Variants in PTP4A2 observed in about 807,000 individuals in gnomAD.
The protein encoded by PTP4A2 is protein tyrosine phosphatase 4A2.
PTP4A2 carries 2 observed loss-of-function variants against 22.9 expected under a neutral mutation model. The ratio of observed to expected loss-of-function variants is 0.09; its 90% CI spans 0.04 to 0.27. PTP4A2 has a LOEUF of 0.27. Ranked by LOEUF, PTP4A2 falls within the 10% of genes least tolerant of loss-of-function variation. PTP4A2 has a pLI of 1.00. For synonymous variants in PTP4A2, 68 were observed against 69.1 expected, an observed-to-expected ratio of 0.98 and a Z score of 0.08; for missense variants, 103 against 205.1, an observed-to-expected ratio of 0.50 and a Z score of 3.04.
chr1:31,924,606 A>G (rs1652361419), intron 1 of PTP4A2, among the ~76,000 whole-genome samples: 2 of 152,238 alleles, frequency 1.3e-5, no homozygotes, highest in South Asian at 2.1e-4. Context: ...TGTCTCTCTG[A>G]CATTAATTCT....
At chr1:31,912,222 G>A (rs1651574420) in intron 3 of PTP4A2, among the ~76,000 whole-genome samples, 1 of 152,178 alleles carries the variant, frequency 6.6e-6, no homozygotes, top group Non-Finnish European at 1.5e-5. Context: ...GTCCACTCTG[G>A]CAAAGCATAC....
chr1:31,928,765 A>T (rs180836119), intron 1 of PTP4A2, among the ~76,000 whole-genome samples: 1 of 151,624 alleles, frequency 6.6e-6, no homozygotes, highest in East Asian at 1.9e-4. Context: ...CCACTTCCTC[A>T]TTTAAGGAGG....
rs1325918169 is a variant in PTP4A2, at chr1:31,933,539, A to G, written c.-594+4448T>C. 2.0e-5 allele frequency: 3 copies of G among 152,114 alleles called. No homozygotes were observed. The East Asian group carries it at 5.8e-4, about 29-fold the overall frequency. 9.4% of individuals were successfully genotyped at this position (152,114 alleles called of 1,614,324 possible). Reference sequence around the variant, plus strand: ...CGCCTGAGCTCAGGGGTTCGGGACCAGCCTGGGCAACATAGCGAAACCCTG... The same window carrying G: ...CGCCTGAGCTCAGGGGTTCGGGACCGGCCTGGGCAACATAGCGAAACCCTG... On this transcript the variant is annotated intron_variant, in intron 1 of 5. Coordinates refer to ENST00000647444, the MANE Select transcript of PTP4A2 (RefSeq NM_080391.4).
chr1:31,909,543 G>A (rs747640792), intron 5 of PTP4A2, among the ~76,000 whole-genome samples: 40 of 151,968 alleles, frequency 2.6e-4, no homozygotes, highest in Non-Finnish European at 5.0e-4. Flanking sequence ...GTGGTGGTGC[G>A]TGCCTGTAGT....
At position 31,908,262 on chromosome 1, in the gene PTP4A2, T is replaced by C. The variant is rs1039604266; in HGVS notation, c.*590A>G. The stretch of plus-strand genomic sequence containing the variant: ...TTTTTTTTTTTTTTTTATCTAAAAG[T>C]GCCCAGGTGGGCTTAAGGCTGCCAG... On this transcript the variant is annotated 3_prime_UTR_variant, in exon 6 of 6. Coordinates refer to ENST00000647444, the MANE Select transcript of PTP4A2 (RefSeq NM_080391.4). The C allele has an allele frequency of 7.1e-5, 9 of 126,614 alleles. No individual in the cohort carries two copies. Among genetic ancestry groups the C allele is most frequent in the African/African-American group, 2.7e-4 (9 of 33,082 alleles). The allele number at this position is 126,614 out of a possible 1,614,324, so 7.8% of individuals were successfully genotyped here. A position where few individuals can be genotyped will look rare whatever the true frequency, so the allele number is the denominator to read the frequency against.
chr1:31,916,755 T>C (rs1350287741), intron 2 of PTP4A2, among the ~76,000 whole-genome samples: 1 of 152,130 alleles, frequency 6.6e-6, no homozygotes, highest in Admixed American at 6.5e-5. Context: ...ATAAAAACAA[T>C]ACCAAGGAAG....
rs1570268413 is a variant in PTP4A2, at chr1:31,906,941, A to T, written c.*1911T>A. Reference sequence around the variant, plus strand: ...CTATATTAATGGAATCTATTGTTGCATTCTGAAATAAAGAATTTTGGATAT... The same window carrying T: ...CTATATTAATGGAATCTATTGTTGCTTTCTGAAATAAAGAATTTTGGATAT... On this transcript the variant is annotated 3_prime_UTR_variant, in exon 6 of 6. Transcript: ENST00000647444. The T allele has an allele frequency of 1.3e-5, 2 of 152,218 alleles. No individual in the cohort carries two copies. Among genetic ancestry groups the T allele is most frequent in the Admixed American group, 6.5e-5 (1 of 15,284 alleles). 9.4% of individuals were successfully genotyped at this position (152,218 alleles called of 1,614,324 possible).
chr1:31,922,590 CT>C (rs1169920493), intron 1 of PTP4A2, among the ~76,000 whole-genome samples: 1 of 11,680 alleles, frequency 8.6e-5, no homozygotes, highest in East Asian at 2.1e-3. Flanking sequence ...AGGTTTGTTT[CT>C]TTCTTTCTTT....
rs1197407099 is a variant in PTP4A2 at position 31,906,477 on chromosome 1, T to C, written c.*2375A>G. 6.6e-6 allele frequency: 1 copy of C among 152,138 alleles called. No homozygotes were observed. The highest frequency in any genetic ancestry group is 1.5e-5 in the Non-Finnish European group (1 of 68,018). 9.4% of individuals were successfully genotyped at this position (152,138 alleles called of 1,614,324 possible). ...AAAGGGTTCAGGGTTTGGTTTTAAA[T>C]CAGGCTGCACACCTTTCAAATCAAT... On this transcript the variant is annotated 3_prime_UTR_variant, in exon 6 of 6. Transcript: ENST00000647444.
intron 2 of PTP4A2, among the ~76,000 whole-genome samples, chr1:31,916,219 C>A (rs1036591416): frequency 6.0e-5 from 9 of 150,962 alleles, no homozygotes; most frequent in Admixed American, 2.6e-4. Flanking sequence ...GTGGTGCGGG[C>A]CTGTAATCCC....
rs116035609 is a variant in PTP4A2 at position 31,910,213 on chromosome 1, T to C, written c.321-101A>G. The C allele has an allele frequency of 2.8e-4, 229 of 813,694 alleles. 1 individual carries two copies. The African/African-American group carries it at 3.3e-3, about 12-fold the overall frequency. The allele number at this position is 813,694 out of a possible 1,614,324, so 50.4% of individuals were successfully genotyped here. A position where few individuals can be genotyped will look rare whatever the true frequency, so the allele number is the denominator to read the frequency against. ...TTACCAATGCAACGCATGAGCTTTC[T>C]TTTTCCTGTATACTAAAGTAGCTGG... On this transcript the variant is annotated intron_variant, in intron 4 of 5. Transcript: ENST00000647444.
At chr1:31,932,250 TA>T (rs1026080204) in intron 1 of PTP4A2, among the ~76,000 whole-genome samples, 2 of 152,182 alleles carry the variant, frequency 1.3e-5, no homozygotes, top group Non-Finnish European at 2.9e-5. Flanking sequence ...TTGAGAAGAC[TA>T]AAAGTTCAAA....
intron 5 of PTP4A2, 40 bp from the exon 6 acceptor site, chr1:31,909,000 A>T: frequency 7.0e-7 from 1 of 1,435,954 alleles, no homozygotes; most frequent in South Asian, 1.1e-5. Flanking sequence ...ATGTAAAAAA[A>T]GAGCTGTCTG....
intron 1 of PTP4A2, among the ~76,000 whole-genome samples, chr1:31,926,599 T>C (rs188979835): frequency 1.3e-5 from 2 of 152,308 alleles, no homozygotes; most frequent in African/African-American, 4.8e-5. Context: ...CTGTCAACAG[T>C]AAAGAATTTA....
intron 3 of PTP4A2, among the ~76,000 whole-genome samples, chr1:31,913,631 A>G (rs750534753): frequency 2.6e-5 from 4 of 151,924 alleles, no homozygotes; most frequent in Admixed American, 6.6e-5. Context: ...AGGTGGTATC[A>G]TATTGTGCTT....
At chr1:31,911,174 C>A (rs1651515896) in intron 4 of PTP4A2, 1 of 152,452 alleles carries the variant, frequency 6.6e-6, no homozygotes, top group East Asian at 1.9e-4. Flanking sequence ...GCAGCCTACA[C>A]TAATGTTTTG....
chr1:31,914,181 C>T (rs537455750), intron 3 of PTP4A2: 1 of 427,502 alleles, frequency 2.3e-6, no homozygotes, highest in Admixed American at 2.5e-5. Flanking sequence ...ATCCTCCCAC[C>T]TCAACCTCCC....
At chr1:31,931,526 G>C (rs72665000) in intron 1 of PTP4A2, among the ~76,000 whole-genome samples, 7,176 of 152,218 alleles carry the variant, frequency 0.047, 214 homozygotes, top group Middle Eastern at 0.099. Context: ...TGAGCAAGCA[G>C]CTCCGTAATT....
chr1:31,923,329 CTTTTTTTTTT>C (rs894382854), intron 1 of PTP4A2, among the ~76,000 whole-genome samples: 11 of 113,972 alleles, frequency 9.7e-5, no homozygotes, highest in Admixed American at 4.8e-4. Flanking sequence ...GCCTCAACCT[CTTTTTTTTTT>C]TTTTTTTTTT....
Sources: allele counts gnomAD v4.1 joint callset (sites outside exome capture counted in the v4.1 genomes callset), GRCh38; gene constraint gnomAD v4.1.1; transcripts MANE v1.5; gene names NCBI Gene and HGNC (gene_info 2026-07-23, HGNC 2026-07-21).